The following SLC26A6 variants were observed in gnomAD, a reference collection of about 807,000 sequenced individuals.
SLC26A6 encodes the protein anion exchange transporter.
SLC26A6 carries 67 observed loss-of-function variants against 87.1 expected under a neutral mutation model. The ratio of observed to expected loss-of-function variants is 0.77; its 90% CI spans 0.63 to 0.94. The LOEUF is 0.94. SLC26A6 is among the 40% of genes least tolerant of loss of function. The pLI is 0.00. For synonymous variants in SLC26A6, 414 were observed against 405.9 expected (o/e 1.02, Z -0.24); for missense variants, 902 against 973.0 (o/e 0.93, Z 0.97).
Position 48,629,902 on chromosome 3 carries a change from G to A in SLC26A6, c.1499C>T (p.Ser500Phe), listed in dbSNP as rs1010892330. Residue 500 changes from serine (S) to phenylalanine (F), a missense_variant, in exon 13 of 21, where the codon TCC becomes TTC. Physicochemically the swap from Ser to Phe is radical, Grantham distance 155 (BLOSUM62 -2). Around this residue, in one of 3 missense-constraint regions of SLC26A6, gnomAD observed 800 missense variants for 856.8 expected, o/e 0.93. Transcript: ENST00000395550. ...DLGLVVAVIF[S>F]LLLVVVRTQM... ...TGTCCGGACCACCACGAGCAGCAGG[G>A]AGAAGATGACCGCAACCACCAAGCC... 2 of 1,614,142 alleles carry A rather than the reference G, an allele frequency of 1.2e-6. No homozygotes were observed. The highest frequency in any genetic ancestry group is 1.7e-6 in the Non-Finnish European group (2 of 1,180,040).
rs769069818 is a variant in SLC26A6, at chr3:48,630,146, T to C, written c.1338A>G (p.Ala446=). 2 of 1,608,198 alleles carry C rather than the reference T, an allele frequency of 1.2e-6. No homozygotes were observed. Among genetic ancestry groups the C allele is most frequent in the South Asian group, 2.2e-5 (2 of 91,028 alleles). ...LFHDLPKAVL[A]AIIIVNLKGM... Reference sequence around the variant, plus strand: ...CCTTCAGGTTCACAATGATGATGGCTGCCAGGACCGCCTGGGGTGGGGACA... The same window carrying C: ...CCTTCAGGTTCACAATGATGATGGCCGCCAGGACCGCCTGGGGTGGGGACA... Residue 446 remains alanine, a synonymous_variant, in exon 12 of 21, where the codon GCA becomes GCG. Coordinates refer to ENST00000395550, the MANE Select transcript of SLC26A6 (RefSeq NM_022911.3).
rs1456265259 is a variant in SLC26A6 at position 48,633,480 on chromosome 3, A to G, written c.179T>C (p.Leu60Ser). The G allele has an allele frequency of 6.2e-7, 1 of 1,613,022 alleles. No homozygotes were observed. Among genetic ancestry groups the G allele is most frequent in the Non-Finnish European group, 8.5e-7 (1 of 1,179,922 alleles). ...CAGGCCCCAATCTTGGCCTTACTGCAACCAGGTCCGCCACTGGTGGGTCCT... is the reference window on the plus strand; with the variant it reads ...CAGGCCCCAATCTTGGCCTTACTGCGACCAGGTCCGCCACTGGTGGGTCCT... ...APRTHQWRTW[L>S]QCSRARAYAL... Residue 60 changes from leucine to serine, a missense_variant, in exon 2 of 21, where the codon TTG becomes TCG. Leu to Ser is a moderately radical substitution (Grantham distance 145, BLOSUM62 -2). Around this residue, in one of 3 missense-constraint regions of SLC26A6, gnomAD observed 800 missense variants for 856.8 expected, o/e 0.93. Coordinates refer to ENST00000395550, the MANE Select transcript of SLC26A6 (RefSeq NM_022911.3).
At chr3:48,629,064 C>T (rs2046706903) in intron 14 of SLC26A6, among the ~76,000 whole-genome samples, 1 of 152,188 alleles carries the variant, frequency 6.6e-6, no homozygotes, top group Non-Finnish European at 1.5e-5. Flanking sequence ...CGCTCCCACC[C>T]CATTCGGGTC....
At position 48,626,641 on chromosome 3, in the gene SLC26A6, C is replaced by T. The variant is rs200411127; in HGVS notation, c.2118G>A (p.Ala706=). 26 of 1,614,166 alleles carry T rather than the reference C, an allele frequency of 1.6e-5. No homozygotes were observed. The highest frequency in any genetic ancestry group is 1.2e-4 in the Admixed American group (7 of 60,022). Residue 706 remains alanine (A), a synonymous_variant, in exon 19 of 21, where the codon GCG becomes GCA. Transcript: ENST00000395550. ...TCCCACCCTACTCACTGTGGCAGGC[C>T]GCCATGTACACCTCCACCTCAATCT... ...FREIEVEVYM[A]ACHSPVVSQL...
At chr3:48,626,754 G>A (rs2046635644) in intron 18 of SLC26A6, 69 bp from the exon 19 acceptor site, 1 of 1,610,576 alleles carries the variant, frequency 6.2e-7, no homozygotes, top group African/African-American at 1.3e-5. Flanking sequence ...GGGCAGGCTT[G>A]GGGAGGGAGT....
chr3:48,626,006 C>T lies in SLC26A6; in HGVS notation c.2266-6G>A. On this transcript the variant is annotated splice_region_variant and splice_polypyrimidine_tract_variant and intron_variant, in intron 20 of 20. Coordinates refer to ENST00000395550, the MANE Select transcript of SLC26A6 (RefSeq NM_022911.3). ...CATGTTCAGAGTCTGGTGACCTGAG[C>T]AGGCAGAGGAGGGGAGGCTCTAGTC... The T allele has an allele frequency of 2.5e-6, 4 of 1,613,784 alleles. No homozygotes were observed. The highest frequency in any genetic ancestry group is 1.7e-5 in the Admixed American group (1 of 60,006).
chr3:48,631,740 G>C lies in SLC26A6; in HGVS notation c.812C>G (p.Ala271Gly), dbSNP rs748157980. Reference sequence around the variant, plus strand: ...CACCACGAGCACCACCCCAGCCACAGCTGCAGTGACCACGGTGCCAACCTT... The same window carrying C: ...CACCACGAGCACCACCCCAGCCACACCTGCAGTGACCACGGTGCCAACCTT... ...QSKVGTVVTAAVAGVVLVVVK... is the reference protein window; with the variant it reads ...QSKVGTVVTAGVAGVVLVVVK... The change falls in exon 7 of 21, where the codon GCT (alanine) becomes GGT (glycine). Residue 271 changes from alanine (A) to glycine (G), a missense_variant. Physicochemically the swap from Ala to Gly is moderately conservative, Grantham distance 60 (BLOSUM62 0). This residue lies in a region of SLC26A6 where 800 missense variants were observed against 856.8 expected (regional missense o/e 0.93). Coordinates refer to ENST00000395550, the MANE Select transcript of SLC26A6 (RefSeq NM_022911.3). The C allele has an allele frequency of 6.2e-7, 1 of 1,613,604 alleles. No homozygotes were observed. The highest frequency in any genetic ancestry group is 1.7e-5 in the Admixed American group (1 of 60,026).
Position 48,628,696 on chromosome 3 carries a change from C to T in SLC26A6, c.1618G>A (p.Val540Met), listed in dbSNP as rs387907494. The T allele has an allele frequency of 5.0e-6, 8 of 1,613,246 alleles. No homozygotes were observed. The highest frequency in any genetic ancestry group is 6.8e-6 in the Non-Finnish European group (8 of 1,179,804). Residue 540 changes from valine to methionine, a missense_variant, in exon 15 of 21, where the codon GTG (valine) becomes ATG (methionine). Transcript: ENST00000395550. The surrounding 1 kb of genome is among the most constrained non-coding windows in gnomAD (Gnocchi z 4.4). ...EYSEAKEVRG[V>M]KVFRSSATVY... is the part of the protein sequence containing the mutation. ...GTGGCCGAGGAGCGGAAGACCTTCA[C>T]CCCCCGGACTTCCTTGGCCTGGGGA...
rs1410350920 is a variant in SLC26A6 at position 48,627,025 on chromosome 3, C to G, written c.1924G>C (p.Ala642Pro). The change falls in exon 18 of 21, where the codon GCA becomes CCA. Residue 642 changes from alanine (A) to proline (P), a missense_variant. Ala to Pro is a conservative substitution (Grantham distance 27). Coordinates refer to ENST00000395550, the MANE Select transcript of SLC26A6 (RefSeq NM_022911.3). ...QVSSGDKMEDATANGQEDSKA... is the reference protein window; with the variant it reads ...QVSSGDKMEDPTANGQEDSKA... ...GAGTCTTCTTGACCATTGGCTGTTG[C>G]ATCTTCCATCTTATCTCCTGAGCTC... 1.9e-6 allele frequency: 3 copies of G among 1,614,048 alleles called. No homozygotes were observed. The South Asian group carries it at 3.3e-5, about 18-fold the overall frequency.
At position 48,630,488 on chromosome 3, in the gene SLC26A6, T is replaced by G. The variant is rs556263660; in HGVS notation, c.1276A>C (p.Ile426Leu). Reference protein sequence around the residue: ...QVAGAISSLFILLIIVKLGEL... With the variant: ...QVAGAISSLFLLLIIVKLGEL... ...CCAAGTTTGACAATGATGAGGAGGATGAAAAGGGAAGAGATGGCTCCAGCA... is the reference window on the plus strand; with the variant it reads ...CCAAGTTTGACAATGATGAGGAGGAGGAAAAGGGAAGAGATGGCTCCAGCA... Residue 426 changes from isoleucine (I) to leucine (L), a missense_variant, in exon 11 of 21, where the codon ATC (isoleucine) becomes CTC (leucine). By Grantham distance (5) the Ile-to-Leu change is conservative. Transcript: ENST00000395550. 56 of 1,561,396 alleles carry G rather than the reference T, an allele frequency of 3.6e-5. No homozygotes were observed. The South Asian group carries it at 6.5e-4, about 18-fold the overall frequency.
At chr3:48,627,392 C>T in intron 17 of SLC26A6, 1 of 296,582 alleles carries the variant, frequency 3.4e-6, no homozygotes, top group Non-Finnish European at 6.3e-6. Flanking sequence ...CGGGCATCCA[C>T]ATGAAACGCA....
rs753810423 is a variant in SLC26A6 at position 48,627,947 on chromosome 3, A to G, written c.1892T>C (p.Met631Thr). 18 of 1,584,694 alleles carry G rather than the reference A, an allele frequency of 1.1e-5. No individual in the cohort carries two copies. In the African/African-American group the frequency reaches 1.5e-4, roughly 13 times the overall value. ...CTCCTTTCCCACCTCCAGTCTCACC[A>G]TCATCTTGCAGTCCTCAACGTTGTT... ...RSNNVEDCKM[M>T]QVSSGDKMED... Residue 631 changes from methionine to threonine, a missense_variant and splice_region_variant, in exon 17 of 21, where the codon ATG becomes ACG. By Grantham distance (81) the Met-to-Thr change is moderately conservative. This residue lies in a region of SLC26A6 where 800 missense variants were observed against 856.8 expected (regional missense o/e 0.93). Transcript: ENST00000395550.
chr3:48,627,423 G>C, intron 17 of SLC26A6: 1 of 241,238 alleles, frequency 4.1e-6, no homozygotes, highest in Non-Finnish European at 8.0e-6. Flanking sequence ...TCGGCACCCT[G>C]CCCTGTCTCA....
chr3:48,631,193 C>T (rs773619908), intron 8 of SLC26A6, 31 bp downstream of exon 8: 1 of 1,611,674 alleles, frequency 6.2e-7, no homozygotes. Flanking sequence ...GCTGCCCAAC[C>T]CTCCCTGACC....
rs2046832618 is a variant in SLC26A6, at chr3:48,632,472, G to A, written c.434-76C>T. The A allele has an allele frequency of 2.6e-6, 4 of 1,544,632 alleles. No individual in the cohort carries two copies. The African/African-American group carries it at 4.1e-5, about 16-fold the overall frequency. ...CCTGGAGCCCTGGTCTTAAGAGAGA[G>A]GCCAGGAGACTTCCAGTTCTGGATA... On this transcript the variant is annotated intron_variant, in intron 4 of 20. Coordinates refer to ENST00000395550, the MANE Select transcript of SLC26A6 (RefSeq NM_022911.3).
chr3:48,635,243 A>G (rs2046923666), intron 1 of SLC26A6, 128 bp downstream of exon 1: 3 of 1,302,948 alleles, frequency 2.3e-6, no homozygotes, highest in Non-Finnish European at 3.2e-6. Flanking sequence ...CGCCTGCAGA[A>G]AATCAGCAGA....
At chr3:48,627,436 C>T in intron 17 of SLC26A6, 1 of 221,952 alleles carries the variant, frequency 4.5e-6, no homozygotes, top group Non-Finnish European at 8.8e-6. Context: ...CTGTCTCAGT[C>T]TCTAATTAAG....
Position 48,631,994 on chromosome 3 carries a change from T to C in SLC26A6, c.636A>G (p.Glu212=). The stretch of plus-strand genomic sequence containing the variant: ...CTGTGGTATAGCCTCGGACAAGAGG[T>C]TCTGACAGGTAGGTGACCACGAAGC... ...HFGFVVTYLS[E]PLVRGYTTAA... The change falls in exon 6 of 21, where the codon GAA becomes GAG. Residue 212 remains glutamate (E), a synonymous_variant. Coordinates refer to ENST00000395550, the MANE Select transcript of SLC26A6 (RefSeq NM_022911.3). 6.2e-7 allele frequency: 1 copy of C among 1,613,292 alleles called. No homozygotes were observed. The highest frequency in any genetic ancestry group is 8.5e-7 in the Non-Finnish European group (1 of 1,179,948).
intron 1 of SLC26A6, 92 bp downstream of exon 1, chr3:48,635,279 G>A (rs2046924711): frequency 4.1e-6 from 5 of 1,226,320 alleles, no homozygotes; most frequent in Non-Finnish European, 5.5e-6. Flanking sequence ...CGCAAGCGGA[G>A]AATGCCTGCT....
Sources: gnomAD v4.1 joint callset for allele counts (sites outside exome capture counted in the v4.1 genomes callset) on GRCh38, gnomAD v4.1.1 for gene constraint, gnomAD v4.1.1 regional missense constraint, Gnocchi (gnomAD v3.1) non-coding constraint, MANE v1.5 for transcripts, NCBI Gene and HGNC (gene_info 2026-07-23, HGNC 2026-07-21) for gene names.